Variants in PPFIBP2 observed in about 807,000 individuals in gnomAD.
PPFIBP2 encodes liprin-beta-2.
PPFIBP2 carries 118 observed loss-of-function variants against 118.3 expected under a neutral mutation model. That is an observed-to-expected ratio of 1.00 (90% CI 0.86 to 1.16). PPFIBP2 has a LOEUF of 1.16. PPFIBP2 is among the 50% of genes most tolerant of loss of function. The probability of loss-of-function intolerance (pLI) is 0.00; values close to 1 mark genes in which losing one functional copy is unlikely to be tolerated. For missense variants in PPFIBP2, 1,195 were observed against 1,073.1 expected, an observed-to-expected ratio of 1.11 and a Z score of -1.59; for synonymous variants, 414 against 397.4, an observed-to-expected ratio of 1.04 and a Z score of -0.50.
rs377443529 is a variant in PPFIBP2 at position 7,547,452 on chromosome 11, G to C, written c.-36-1988G>C. Among the ~76,000 whole-genome samples the C allele has an allele frequency of 6.7e-4, 102 of 152,306 alleles. 6 individuals are homozygous for C. In the South Asian group the frequency reaches 0.02, roughly 30 times the overall value. On this transcript the variant is annotated intron_variant, in intron 1 of 23. Coordinates refer to ENST00000299492, the MANE Select transcript of PPFIBP2 (RefSeq NM_003621.5). Reference sequence around the variant, plus strand: ...GAATTTTCCCCTTAGAGAAAGAGCAGTGGGAAGGATTTGGAGGGATTATTT... The same window carrying C: ...GAATTTTCCCCTTAGAGAAAGAGCACTGGGAAGGATTTGGAGGGATTATTT...
chr11:7,608,524 C>T (rs984711667), intron 5 of PPFIBP2, among the ~76,000 whole-genome samples: 8 of 152,150 alleles, frequency 5.3e-5, no homozygotes, highest in African/African-American at 9.7e-5. Context: ...CCTGTAATCC[C>T]GGCTACTCGG....
intron 3 of PPFIBP2, among the ~76,000 whole-genome samples, chr11:7,591,429 A>G (rs1859284770): frequency 8.9e-6 from 1 of 112,264 alleles, no homozygotes; most frequent in Non-Finnish European, 2.0e-5. Flanking sequence ...GAGTTCTTTG[A>G]CAGAGAAGAA....
chr11:7,591,078 TAA>T (rs1305397614), intron 3 of PPFIBP2, among the ~76,000 whole-genome samples: 1 of 151,160 alleles, frequency 6.6e-6, no homozygotes, highest in Non-Finnish European at 1.5e-5. Context: ...TACATTTTAT[TAA>T]CTGAATTTAT....
chr11:7,639,928 G>T (rs1222285126), intron 15 of PPFIBP2, 58 bp downstream of exon 15: 1 of 1,562,338 alleles, frequency 6.4e-7, no homozygotes, highest in Admixed American at 2.0e-5. Flanking sequence ...CACTTTCAAT[G>T]ATTGTATAAG....
intron 21 of PPFIBP2, among the ~76,000 whole-genome samples, chr11:7,650,484 A>G (rs888479941): frequency 1.3e-5 from 2 of 152,238 alleles, no homozygotes; most frequent in Admixed American, 6.5e-5. Flanking sequence ...TCTTTCATCT[A>G]TAAACCACTT....
At chr11:7,562,955 A>ATT (rs1854494332) in intron 2 of PPFIBP2, among the ~76,000 whole-genome samples, 1 of 73,426 alleles carries the variant, frequency 1.4e-5, no homozygotes, top group Non-Finnish European at 2.9e-5. Context: ...ATATATATAT[A>ATT]TATATATATA....
At chr11:7,648,194 T>G (rs1373417759) in intron 17 of PPFIBP2, 193 bp from the exon 18 acceptor site, 3 of 575,138 alleles carry the variant, frequency 5.2e-6, no homozygotes, top group East Asian at 5.9e-5. Flanking sequence ...TTAAGAAAAC[T>G]CTAGGGTCTA....
intron 7 of PPFIBP2, among the ~76,000 whole-genome samples, chr11:7,625,251 A>G (rs1849836672): frequency 6.6e-6 from 1 of 152,052 alleles, no homozygotes; most frequent in Non-Finnish European, 1.5e-5. Flanking sequence ...AAAGGGTAGG[A>G]GCGTGTGGAG....
At chr11:7,600,061 T>C (rs1861152168) in intron 5 of PPFIBP2, among the ~76,000 whole-genome samples, 1 of 152,278 alleles carries the variant, frequency 6.6e-6, no homozygotes, top group African/African-American at 2.4e-5. Flanking sequence ...TGGCATATTT[T>C]GGAGTATGGT....
chr11:7,601,945 T>G (rs1162998484), intron 5 of PPFIBP2, among the ~76,000 whole-genome samples: 3 of 151,544 alleles, frequency 2.0e-5, no homozygotes, highest in African/African-American at 7.3e-5. Context: ...AATACAAAAT[T>G]AGACAGGTGT....
chr11:7,535,233 AG>A (rs1348821646), intron 1 of PPFIBP2, among the ~76,000 whole-genome samples: 1 of 152,244 alleles, frequency 6.6e-6, no homozygotes, highest in Non-Finnish European at 1.5e-5. Context: ...TTCAACAGGC[AG>A]GGGTGGGGAT....
At chr11:7,613,502 C>T (rs571104058) in intron 6 of PPFIBP2, among the ~76,000 whole-genome samples, 1 of 152,144 alleles carries the variant, frequency 6.6e-6, no homozygotes, top group East Asian at 1.9e-4. Flanking sequence ...TTCTCATCAG[C>T]CTTTTGCAAT....
chr11:7,626,697 A>G (rs911683825), intron 8 of PPFIBP2, among the ~76,000 whole-genome samples: 1 of 152,244 alleles, frequency 6.6e-6, no homozygotes, highest in Non-Finnish European at 1.5e-5. Context: ...GAACACATAA[A>G]TCTTTATGGC....
chr11:7,648,827 A>T lies in PPFIBP2; in HGVS notation c.1825A>T (p.Arg609Trp). 1 of 1,614,118 alleles carries T rather than the reference A, an allele frequency of 6.2e-7. No homozygotes were observed. Among genetic ancestry groups the T allele is most frequent in the Non-Finnish European group, 8.5e-7 (1 of 1,180,018 alleles). Reference sequence around the variant, plus strand: ...GCTAGGAATTAAGCACCCACTCCACAGGAAGAAGCTTGTTTTAGCAGTGAA... The same window carrying T: ...GCTAGGAATTAAGCACCCACTCCACTGGAAGAAGCTTGTTTTAGCAGTGAA... The part of the protein sequence containing the change: ...KELGIKHPLH[R>W]KKLVLAVKAI... Residue 609 changes from arginine (R) to tryptophan (W), a missense_variant, in exon 19 of 24, where the codon AGG (arginine) becomes TGG (tryptophan). By Grantham distance (101) the Arg-to-Trp change is moderately radical. Transcript: ENST00000299492.
At chr11:7,564,943 A>T (rs1854785697) in intron 2 of PPFIBP2, among the ~76,000 whole-genome samples, 1 of 152,208 alleles carries the variant, frequency 6.6e-6, no homozygotes, top group South Asian at 2.1e-4. Context: ...CCATCCCTTT[A>T]TCAGAGGAGT....
the PPFIBP2 span, among the ~76,000 whole-genome samples, chr11:7,664,895 T>C: frequency 6.8e-6 from 1 of 146,802 alleles, no homozygotes; most frequent in Non-Finnish European, 1.5e-5. Context: ...AGTTGAGAAG[T>C]TTCTGTGTGT....
Position 7,616,243 on chromosome 11 carries a change from A to G in PPFIBP2, c.619-4692A>G, listed in dbSNP as rs540351220. ...TGACAGATACAAAAAATTTAGGACA[A>G]TAGTCCCCCAAAGTGCTTGCTATAA... On this transcript the variant is annotated intron_variant, in intron 6 of 23. Transcript: ENST00000299492. This position sits in a 1 kb window ranked among gnomAD's most constrained non-coding sequence, Gnocchi z 5.2. Among the ~76,000 whole-genome samples, 6 of 152,348 alleles carry G rather than the reference A, an allele frequency of 3.9e-5. No homozygotes were observed. Among genetic ancestry groups the G allele is most frequent in the African/African-American group, 1.4e-4 (6 of 41,582 alleles).
chr11:7,549,714 T>C (rs542108381), intron 2 of PPFIBP2, among the ~76,000 whole-genome samples, 175 bp downstream of exon 2: 14 of 152,160 alleles, frequency 9.2e-5, no homozygotes, highest in South Asian at 2.1e-4. Context: ...TACGAACTTA[T>C]ACAACTCTCT....
chr11:7,558,084 T>C (rs545961562), intron 2 of PPFIBP2, among the ~76,000 whole-genome samples: 4 of 152,354 alleles, frequency 2.6e-5, no homozygotes, highest in South Asian at 4.1e-4. Context: ...CTAAGTTATA[T>C]TGCAGTGAGA....
Sources: gnomAD v4.1 joint callset for allele counts (sites outside exome capture counted in the v4.1 genomes callset) on GRCh38, gnomAD v4.1.1 for gene constraint, Gnocchi (gnomAD v3.1) non-coding constraint, MANE v1.5 for transcripts, NCBI Gene and HGNC (gene_info 2026-07-23, HGNC 2026-07-21) for gene names.